The following TACR1 variants were observed in gnomAD, a reference collection of about 807,000 sequenced individuals.
The protein encoded by TACR1 is substance-P receptor.
A neutral mutation model predicts 35.8 loss-of-function variants in TACR1; 25 were observed. That is an observed-to-expected ratio of 0.70 (90% CI 0.51 to 0.98). The LOEUF (loss-of-function observed/expected upper bound fraction) is 0.98, where lower values mean the gene tolerates loss of function less well. Among genes scored for constraint, TACR1 ranks in the 50% least tolerant of loss-of-function variants. The pLI is 0.00. For missense variants in TACR1, 478 were observed against 522.9 expected (o/e 0.91, Z 0.84); for synonymous variants, 195 against 206.7 (o/e 0.94, Z 0.48).
At chr2:75,056,438 A>G (rs1573458125) in intron 2 of TACR1, among the ~76,000 whole-genome samples, 1 of 152,150 alleles carries the variant, frequency 6.6e-6, no homozygotes, top group African/African-American at 2.4e-5. Context: ...TACACCCCGG[A>G]GCCTGCCGAA....
intron 2 of TACR1, among the ~76,000 whole-genome samples, chr2:75,066,770 T>G (rs1672770403): frequency 6.6e-6 from 1 of 152,222 alleles, no homozygotes; most frequent in African/African-American, 2.4e-5. Context: ...GTCTACAGTT[T>G]CCATTAACAA....
intron 1 of TACR1, among the ~76,000 whole-genome samples, chr2:75,169,061 T>C (rs1190177304): frequency 6.6e-6 from 1 of 152,210 alleles, no homozygotes; most frequent in Admixed American, 6.5e-5. Flanking sequence ...GGCAAATACT[T>C]ATTTCTACCT....
At chr2:75,171,051 A>G (rs1675267867) in intron 1 of TACR1, among the ~76,000 whole-genome samples, 1 of 152,220 alleles carries the variant, frequency 6.6e-6, no homozygotes, top group Non-Finnish European at 1.5e-5. Context: ...GTTAATCTCC[A>G]GGACAATGGG....
intron 2 of TACR1, among the ~76,000 whole-genome samples, chr2:75,119,271 G>T (rs922215280): frequency 6.6e-6 from 1 of 152,236 alleles, no homozygotes; most frequent in East Asian, 1.9e-4. Flanking sequence ...ACATTATCTC[G>T]TTTGATCTTC....
chr2:75,097,774 C>G (rs1673453757), intron 2 of TACR1, among the ~76,000 whole-genome samples: 1 of 152,156 alleles, frequency 6.6e-6, no homozygotes, highest in South Asian at 2.1e-4. Context: ...AGTGATTTCT[C>G]TCCTCCCTAG....
At chr2:75,159,884 A>T (rs974208804) in intron 1 of TACR1, among the ~76,000 whole-genome samples, 7 of 152,188 alleles carry the variant, frequency 4.6e-5, no homozygotes, top group East Asian at 1.9e-4. Context: ...AGCATTTACT[A>T]CATGTCAATA....
At chr2:75,152,336 T>G (rs1449926656) in intron 1 of TACR1, among the ~76,000 whole-genome samples, 10 of 152,028 alleles carry the variant, frequency 6.6e-5, no homozygotes, top group Admixed American at 6.6e-4. Flanking sequence ...CAGGGGGAGG[T>G]AATTGAATCA....
intron 4 of TACR1, 88 bp downstream of exon 4, chr2:75,051,163 G>C: frequency 6.5e-7 from 1 of 1,546,836 alleles, no homozygotes; most frequent in Non-Finnish European, 8.9e-7. Flanking sequence ...CTCACAGCTG[G>C]GTTTACTCAT....
At chr2:75,166,927 T>C (rs1675158139) in intron 1 of TACR1, among the ~76,000 whole-genome samples, 1 of 152,218 alleles carries the variant, frequency 6.6e-6, no homozygotes, top group Non-Finnish European at 1.5e-5. Context: ...AAATGTGCTT[T>C]TTGCTTATGG....
chr2:75,065,596 C>T (rs1277557354), intron 2 of TACR1, among the ~76,000 whole-genome samples: 1 of 151,888 alleles, frequency 6.6e-6, no homozygotes, highest in Non-Finnish European at 1.5e-5. Context: ...TCTCTCGATG[C>T]AGCAGCTGGA....
At chr2:75,119,860 C>T (rs1005379651) in intron 2 of TACR1, among the ~76,000 whole-genome samples, 1 of 152,026 alleles carries the variant, frequency 6.6e-6, no homozygotes, top group African/African-American at 2.4e-5. Context: ...GTACCTTATT[C>T]GGGAGAAGAA....
At position 75,116,156 on chromosome 2, in the gene TACR1, G is replaced by T. The variant is rs143854356; in HGVS notation, c.584+4418C>A. On this transcript the variant is annotated intron_variant, in intron 2 of 4. Transcript: ENST00000305249. ...ATTTCACTCTGTCACCCAGGCTGGAGTGCAGTGGAGTGACCTCAGCTCCTC... is the reference window on the plus strand; with the variant it reads ...ATTTCACTCTGTCACCCAGGCTGGATTGCAGTGGAGTGACCTCAGCTCCTC... Among the ~76,000 whole-genome samples, 673 of 152,088 alleles carry T rather than the reference G, an allele frequency of 4.4e-3. 4 individuals carry two copies. The highest frequency in any genetic ancestry group is 0.015 in the African/African-American group (607 of 41,458).
Position 75,047,593 on chromosome 2 carries a change from A to G in TACR1, c.*1839T>C, listed in dbSNP as rs1672389763. 1 of 152,242 alleles carries G rather than the reference A, an allele frequency of 6.6e-6. No individual in the cohort carries two copies. Among genetic ancestry groups the G allele is most frequent in the South Asian group, 2.1e-4 (1 of 4,838 alleles). 9.4% of individuals were successfully genotyped at this position (152,242 alleles called of 1,614,324 possible). On this transcript the variant is annotated 3_prime_UTR_variant, in exon 5 of 5. Coordinates refer to ENST00000305249, the MANE Select transcript of TACR1 (RefSeq NM_001058.4). Reference sequence around the variant, plus strand: ...CTTCCAAAGTGAGTAATCCATACACAGCAAGATTCTCTATTGGAAGTATGA... The same window carrying G: ...CTTCCAAAGTGAGTAATCCATACACGGCAAGATTCTCTATTGGAAGTATGA...
At chr2:75,097,670 GC>G (rs1055879472) in intron 2 of TACR1, among the ~76,000 whole-genome samples, 1 of 152,186 alleles carries the variant, frequency 6.6e-6, no homozygotes. Flanking sequence ...CACTGTCCAT[GC>G]CCAGGGTCAC....
In TACR1 at chr2:75,191,909, C is replaced by T. The variant is rs115187021; in HGVS notation, c.389+6637G>A. On this transcript the variant is annotated intron_variant, in intron 1 of 4. Coordinates refer to ENST00000305249, the MANE Select transcript of TACR1 (RefSeq NM_001058.4). ...GGGAACAGGAAACAAAATAAGGGAT[C>T]CCTGTTTTCATGGAGCTTGCAATCT... Among the ~76,000 whole-genome samples the T allele has an allele frequency of 6.1e-3, 924 of 152,066 alleles. 7 individuals carry two copies. The highest frequency in any genetic ancestry group is 0.017 in the Middle Eastern group (5 of 294).
At chr2:75,075,683 A>G (rs1289293345) in intron 2 of TACR1, among the ~76,000 whole-genome samples, 1 of 151,210 alleles carries the variant, frequency 6.6e-6, no homozygotes, top group Non-Finnish European at 1.5e-5. Context: ...GACAGGGATG[A>G]TAAGAATGTG....
chr2:75,195,999 G>A (rs1350888436), intron 1 of TACR1, among the ~76,000 whole-genome samples: 1 of 152,120 alleles, frequency 6.6e-6, no homozygotes, highest in African/African-American at 2.4e-5. Context: ...GCTTCTTGTC[G>A]GTTAGGTAAG....
chr2:75,122,123 A>C (rs778379711), intron 1 of TACR1, among the ~76,000 whole-genome samples: 1 of 152,242 alleles, frequency 6.6e-6, no homozygotes, highest in Non-Finnish European at 1.5e-5. Context: ...ATCAATAAGC[A>C]GCTCAAAACA....
intron 1 of TACR1, among the ~76,000 whole-genome samples, chr2:75,122,465 G>A (rs892450627): frequency 1.3e-5 from 2 of 152,168 alleles, no homozygotes; most frequent in African/African-American, 2.4e-5. Flanking sequence ...GCCACTGAAG[G>A]TGTTTAGTGT....
Sources: gnomAD v4.1 joint callset for allele counts (sites outside exome capture counted in the v4.1 genomes callset) on GRCh38, gnomAD v4.1.1 for gene constraint, MANE v1.5 for transcripts, NCBI Gene and HGNC (gene_info 2026-07-23, HGNC 2026-07-21) for gene names.